Variants in EP300 observed in about 807,000 individuals in gnomAD.
EP300 encodes EP300 lysine acetyltransferase.
In EP300, 31 loss-of-function variants were observed where a neutral mutation model predicts 264.0. The ratio of observed to expected loss-of-function variants is 0.12; its 90% CI spans 0.09 to 0.16. EP300 has a LOEUF of 0.16. Ranked by LOEUF, EP300 falls within the 10% of genes least tolerant of loss-of-function variation. The pLI is 1.00. For missense variants in EP300, 2,766 were observed against 3,052.9 expected (o/e 0.91, Z 2.21); for synonymous variants, 1,340 against 1,045.4 (o/e 1.28, Z -5.44).
At chr22:41,125,136 T>TTA (rs2058873797) in intron 2 of EP300, among the ~76,000 whole-genome samples, 1 of 132,696 alleles carries the variant, frequency 7.5e-6, no homozygotes, top group Non-Finnish European at 1.6e-5. Flanking sequence ...TTTTTTTTTT[T>TTA]GAGATGGAGT....
chr22:41,093,504 C>T (rs563244580), intron 1 of EP300, among the ~76,000 whole-genome samples: 77 of 152,222 alleles, frequency 5.1e-4, no homozygotes, highest in Non-Finnish European at 9.4e-4. Context: ...TACTGTGTTT[C>T]CTCTACTTTC....
intron 1 of EP300, among the ~76,000 whole-genome samples, chr22:41,098,004 T>C (rs113073737): frequency 8.6e-5 from 13 of 151,964 alleles, no homozygotes; most frequent in Non-Finnish European, 1.9e-4. Flanking sequence ...AAAAATTTTT[T>C]TTTTTTTTAA....
intron 4 of EP300, 88 bp from the exon 5 acceptor site, chr22:41,129,802 T>C (rs2058906418): frequency 1.1e-6 from 1 of 930,876 alleles, no homozygotes; most frequent in Non-Finnish European, 1.7e-6. Flanking sequence ...AATGCATTTA[T>C]GTTACTTATT....
Position 41,178,691 on chromosome 22 carries a change from C to A in EP300, c.6980C>A (p.Pro2327His), listed in dbSNP as rs764378639. 12 of 1,614,186 alleles carry A rather than the reference C, an allele frequency of 7.4e-6. No homozygotes were observed. Among genetic ancestry groups the A allele is most frequent in the Non-Finnish European group, 1.0e-5 (12 of 1,180,030 alleles). Reference sequence around the variant, plus strand: ...CAGTCCCAGCCCCCCCACTCCAGTCCTTCCCCAAGGATGCAGCCTCAGCCT... The same window carrying A: ...CAGTCCCAGCCCCCCCACTCCAGTCATTCCCCAAGGATGCAGCCTCAGCCT... ...RPQSQPPHSS[P>H]SPRMQPQPSP... The change falls in exon 31 of 31, where the codon CCT becomes CAT. Residue 2327 changes from proline (P) to histidine (H), a missense_variant. Pro to His is a moderately conservative substitution (Grantham distance 77). Transcript: ENST00000263253.
intron 2 of EP300, among the ~76,000 whole-genome samples, chr22:41,124,827 T>C (rs1310250472): frequency 6.6e-6 from 1 of 151,584 alleles, no homozygotes; most frequent in Non-Finnish European, 1.5e-5. Context: ...TTATTTCAAA[T>C]ATTTATGAAA....
chr22:41,178,893 A>G lies in EP300; in HGVS notation c.7182A>G (p.Gly2394=), dbSNP rs770105399. The G allele has an allele frequency of 8.1e-6, 13 of 1,614,196 alleles. No homozygotes were observed. The highest frequency in any genetic ancestry group is 1.3e-5 in the African/African-American group (1 of 75,044). The change falls in exon 31 of 31, where the codon GGA becomes GGG. Residue 2394 remains glycine, a synonymous_variant. Coordinates refer to ENST00000263253, the MANE Select transcript of EP300 (RefSeq NM_001429.4). ...NLHGASATDL[G]LSTDNSDLNS... is the part of the protein sequence containing the mutation. The stretch of plus-strand genomic sequence containing the variant: ...ATGGTGCAAGCGCCACGGACCTGGG[A>G]CTCAGCACCGATAACTCAGACTTGA...
At chr22:41,135,701 A>C in intron 6 of EP300, 112 bp from the exon 7 acceptor site, 1 of 788,576 alleles carries the variant, frequency 1.3e-6, no homozygotes, top group South Asian at 1.5e-5. Context: ...TATTTATTGT[A>C]TATGCTGCAA....
intron 1 of EP300, among the ~76,000 whole-genome samples, chr22:41,112,326 A>G (rs1220591871): frequency 6.6e-6 from 1 of 152,040 alleles, no homozygotes; most frequent in East Asian, 1.9e-4. Context: ...AGTAGCTGGG[A>G]CTACAGGCGC....
intron 1 of EP300, among the ~76,000 whole-genome samples, chr22:41,110,963 T>G (rs1432980137): frequency 6.7e-6 from 1 of 150,260 alleles, no homozygotes; most frequent in African/African-American, 2.5e-5. Context: ...ATAAATCTTT[T>G]TTTTTTTTTT....
At chr22:41,117,888 G>A (rs2145697984) in intron 2 of EP300, 67 bp downstream of exon 2, 1 of 1,608,166 alleles carries the variant, frequency 6.2e-7, no homozygotes, top group Non-Finnish European at 8.5e-7. Context: ...TGGATGGAGG[G>A]TTTGCCTTAC....
chr22:41,134,256 A>G (rs760013134), intron 6 of EP300, among the ~76,000 whole-genome samples: 1 of 149,416 alleles, frequency 6.7e-6, no homozygotes. Flanking sequence ...GGACTTAGAT[A>G]AGTTTTCTTA....
At chr22:41,154,346 C>T (rs1184290885) in intron 16 of EP300, among the ~76,000 whole-genome samples, 3 of 141,766 alleles carry the variant, frequency 2.1e-5, no homozygotes, top group Non-Finnish European at 3.0e-5. Context: ...TTGACTGCAT[C>T]TCCCTCTTAA....
At position 41,178,894 on chromosome 22, in the gene EP300, C is replaced by T. The variant is rs773300219; in HGVS notation, c.7183C>T (p.Leu2395Phe). The change falls in exon 31 of 31, where the codon CTC becomes TTC. Residue 2395 changes from leucine to phenylalanine, a missense_variant. Physicochemically the swap from Leu to Phe is conservative, Grantham distance 22. Coordinates refer to ENST00000263253, the MANE Select transcript of EP300 (RefSeq NM_001429.4). ...LHGASATDLG[L>F]STDNSDLNSN... ...TGGTGCAAGCGCCACGGACCTGGGACTCAGCACCGATAACTCAGACTTGAA... is the reference window on the plus strand; with the variant it reads ...TGGTGCAAGCGCCACGGACCTGGGATTCAGCACCGATAACTCAGACTTGAA... The T allele has an allele frequency of 1.2e-6, 2 of 1,614,216 alleles. No homozygotes were observed. The highest frequency in any genetic ancestry group is 1.7e-6 in the Non-Finnish European group (2 of 1,180,052).
At position 41,117,395 on chromosome 22, in the gene EP300, T is replaced by C. The variant is rs2145696665; in HGVS notation, c.303T>C (p.Gly101=). The C allele has an allele frequency of 6.2e-7, 1 of 1,614,142 alleles. No individual in the cohort carries two copies. Among genetic ancestry groups the C allele is most frequent in the Non-Finnish European group, 8.5e-7 (1 of 1,180,012 alleles). The change falls in exon 2 of 31, where the codon GGT becomes GGC. Residue 101 remains glycine, a synonymous_variant. Coordinates refer to ENST00000263253, the MANE Select transcript of EP300 (RefSeq NM_001429.4). ...TCAATATGGGAGTTGGTGGCCCAGG[T>C]CAAGTCATGGCCAGCCAGGCCCAAC... ...PNLNMGVGGP[G]QVMASQAQQS...
intron 29 of EP300, 132 bp downstream of exon 29, chr22:41,173,916 A>G: frequency 9.7e-7 from 1 of 1,028,666 alleles, no homozygotes; most frequent in Non-Finnish European, 1.5e-6. Context: ...GTTCAAGACC[A>G]GCCTGACCAA....
At position 41,092,938 on chromosome 22, in the gene EP300, C is replaced by T; in HGVS notation, c.-67C>T. The T allele has an allele frequency of 6.3e-7, 1 of 1,591,910 alleles. No individual in the cohort carries two copies. Among genetic ancestry groups the T allele is most frequent in the East Asian group, 2.2e-5 (1 of 44,744 alleles). ...CACCCCTGGGTGCGGCGCGGGGACCCCGGGCCGAAGAAGAGATTTCCTGAG... is the reference window on the plus strand; with the variant it reads ...CACCCCTGGGTGCGGCGCGGGGACCTCGGGCCGAAGAAGAGATTTCCTGAG... On this transcript the variant is annotated 5_prime_UTR_variant, in exon 1 of 31. Coordinates refer to ENST00000263253, the MANE Select transcript of EP300 (RefSeq NM_001429.4).
Position 41,170,346 on chromosome 22 carries a change from T to A in EP300, c.4287-60T>A, listed in dbSNP as rs2059162368. ...ATCAACTCCAACTTGTGGTTTAAAA[T>A]GTAGCCTTCTAGAATAGATTATCTC... On this transcript the variant is annotated intron_variant, in intron 26 of 30. Coordinates refer to ENST00000263253, the MANE Select transcript of EP300 (RefSeq NM_001429.4). 5 of 1,527,380 alleles carry A rather than the reference T, an allele frequency of 3.3e-6. No individual in the cohort carries two copies. The South Asian group carries it at 5.6e-5, about 17-fold the overall frequency. The allele number at this position is 1,527,380 out of a possible 1,614,324, so 94.6% of individuals were successfully genotyped here.
In EP300 at chr22:41,092,608, G is replaced by C; in HGVS notation, c.-397G>C. The C allele has an allele frequency of 1.6e-6, 1 of 625,532 alleles. No individual in the cohort carries two copies. Among genetic ancestry groups the C allele is most frequent in the Non-Finnish European group, 2.9e-6 (1 of 345,076 alleles). The allele number at this position is 625,532 out of a possible 1,614,324, so 38.7% of individuals were successfully genotyped here. On this transcript the variant is annotated 5_prime_UTR_variant, in exon 1 of 31. Coordinates refer to ENST00000263253, the MANE Select transcript of EP300 (RefSeq NM_001429.4). Reference sequence around the variant, plus strand: ...TGTGGCGATGAGAAGGAGGAGGACAGCGCCGAGGAGGAAGAGGTTGATGGC... The same window carrying C: ...TGTGGCGATGAGAAGGAGGAGGACACCGCCGAGGAGGAAGAGGTTGATGGC...
intron 1 of EP300, among the ~76,000 whole-genome samples, chr22:41,103,947 ATTGT>A (rs1372182630): frequency 2.3e-5 from 3 of 130,950 alleles, no homozygotes; most frequent in Non-Finnish European, 5.1e-5. Context: ...AACAAAGTGA[ATTGT>A]TTATTTTGTT....
Sources: allele counts gnomAD v4.1 joint callset (sites outside exome capture counted in the v4.1 genomes callset), GRCh38; gene constraint gnomAD v4.1.1; transcripts MANE v1.5; gene names NCBI Gene and HGNC (gene_info 2026-07-23, HGNC 2026-07-21).